PTPRN2: variants seen among roughly 807,000 people sequenced by gnomAD.
The protein encoded by PTPRN2 is receptor-type tyrosine-protein phosphatase N2.
A neutral mutation model predicts 118.8 loss-of-function variants in PTPRN2; 74 were observed. That is an observed-to-expected ratio of 0.62 (90% CI 0.52 to 0.76). PTPRN2 has a LOEUF of 0.76. Ranked by LOEUF, PTPRN2 falls within the 30% of genes least tolerant of loss-of-function variation. The pLI is 0.00. For missense variants in PTPRN2, 1,481 were observed against 1,394.4 expected (o/e 1.06, Z -0.99); for synonymous variants, 641 against 608.0 (o/e 1.05, Z -0.80).
chr7:157,696,202 C>T (rs372774984), intron 12 of PTPRN2, among the ~76,000 whole-genome samples: 214 of 79,744 alleles, frequency 2.7e-3, no homozygotes, highest in East Asian at 0.013. Flanking sequence ...TACCCATGCA[C>T]ACTGGGTCTT....
chr7:157,565,487 C>G (rs1241038631), intron 21 of PTPRN2, among the ~76,000 whole-genome samples: 1 of 152,220 alleles, frequency 6.6e-6, no homozygotes, highest in African/African-American at 2.4e-5. Context: ...TACCTGGGGC[C>G]ACACAGGCAC....
At chr7:157,673,556 C>A (rs1011345066) in intron 13 of PTPRN2, among the ~76,000 whole-genome samples, 19 of 152,096 alleles carry the variant, frequency 1.2e-4, no homozygotes, top group South Asian at 6.2e-4. Context: ...TAGCTGTCTG[C>A]CCCTGGAAGC....
chr7:158,310,231 G>T (rs1361722415), intron 3 of PTPRN2, among the ~76,000 whole-genome samples: 1 of 152,240 alleles, frequency 6.6e-6, no homozygotes, highest in Non-Finnish European at 1.5e-5. Context: ...GAGTCTTGAG[G>T]TGTGTGCTGG....
intron 11 of PTPRN2, among the ~76,000 whole-genome samples, chr7:157,899,828 G>T (rs1797340869): frequency 6.6e-6 from 1 of 152,156 alleles, no homozygotes; most frequent in Admixed American, 6.5e-5. Context: ...AAGACAGACA[G>T]AAAACAGTCT....
rs140097890 is a variant in PTPRN2, at chr7:158,021,038, A to C, written c.1723+60260T>G. Among the ~76,000 whole-genome samples the C allele has an allele frequency of 3.3e-4, 51 of 152,294 alleles. No individual in the cohort carries two copies. In the South Asian group the frequency reaches 3.5e-3, roughly 11 times the overall value. ...AATTCCCTCTCCTTGAGATTTCTAT[A>C]CTTAAAATTCTTAAAGGCATTTATT... is the stretch of plus-strand genomic sequence containing the variant. On this transcript the variant is annotated intron_variant, in intron 11 of 22. Transcript: ENST00000389418.
intron 2 of PTPRN2, among the ~76,000 whole-genome samples, chr7:158,357,529 G>C (rs1186767491): frequency 6.6e-6 from 1 of 152,224 alleles, no homozygotes; most frequent in Admixed American, 6.5e-5. Context: ...TCAGGGTGCT[G>C]GGCAACCTGC....
intron 11 of PTPRN2, among the ~76,000 whole-genome samples, chr7:157,899,918 G>A (rs746206405): frequency 2.6e-5 from 4 of 152,172 alleles, no homozygotes; most frequent in Non-Finnish European, 5.9e-5. Context: ...TAAGCCTTGG[G>A]TGGCAAGAGA....
At chr7:157,817,659 G>A (rs1299892967) in intron 12 of PTPRN2, among the ~76,000 whole-genome samples, 2 of 152,252 alleles carry the variant, frequency 1.3e-5, no homozygotes, top group Admixed American at 1.3e-4. Context: ...CTGGAGCTAC[G>A]GCCGGGGCCA....
intron 3 of PTPRN2, among the ~76,000 whole-genome samples, chr7:158,282,460 T>C (rs1229689904): frequency 6.6e-6 from 1 of 152,230 alleles, no homozygotes; most frequent in East Asian, 1.9e-4. Flanking sequence ...GAGTCTGGCC[T>C]GGCTCAGATG....
intron 2 of PTPRN2, among the ~76,000 whole-genome samples, chr7:158,404,579 C>G (rs1301708311): frequency 3.3e-5 from 5 of 152,090 alleles, no homozygotes; most frequent in Non-Finnish European, 7.4e-5. Context: ...ATATCCACCC[C>G]AACAACACCA....
intron 2 of PTPRN2, among the ~76,000 whole-genome samples, chr7:158,412,144 A>T: frequency 7.7e-6 from 1 of 129,986 alleles, no homozygotes. Flanking sequence ...CACCCTCCTC[A>T]GCACCAGGGC....
rs1340918409 is a variant in PTPRN2 at position 157,777,032 on chromosome 7, C to T, written c.1789-94095G>A. ...TCTCCTCCTCTTCCCTCTCCTCCTCCTCCCTACCTCTCCACTCCCCTCCTC... is the reference window on the plus strand; with the variant it reads ...TCTCCTCCTCTTCCCTCTCCTCCTCTTCCCTACCTCTCCACTCCCCTCCTC... On this transcript the variant is annotated intron_variant, in intron 12 of 22. Transcript: ENST00000389418. Among the ~76,000 whole-genome samples, 12 of 143,298 alleles carry T rather than the reference C, an allele frequency of 8.4e-5. No homozygotes were observed. In the East Asian group the frequency reaches 1.3e-3, roughly 15 times the overall value. The allele number at this position is 143,298 out of a possible 152,430, so 94.0% of individuals were successfully genotyped here.
intron 2 of PTPRN2, among the ~76,000 whole-genome samples, chr7:158,361,537 C>G (rs1808962391): frequency 6.6e-6 from 1 of 152,254 alleles, no homozygotes. Context: ...CTGCCCAGTT[C>G]CACTGAAGCC....
chr7:157,606,543 C>T (rs1281782998), intron 15 of PTPRN2, among the ~76,000 whole-genome samples: 1 of 152,258 alleles, frequency 6.6e-6, no homozygotes, highest in Admixed American at 6.5e-5. Context: ...GCACACAACA[C>T]CAATTTCCAT....
intron 1 of PTPRN2, among the ~76,000 whole-genome samples, chr7:158,515,949 T>C (rs1823523118): frequency 2.0e-5 from 3 of 152,200 alleles, no homozygotes; most frequent in African/African-American, 7.2e-5. Context: ...GTAACCTCTA[T>C]CACACAAACA....
rs1367845774 is a variant in PTPRN2 at position 157,813,541 on chromosome 7, G to A, written c.1788+85132C>T. On this transcript the variant is annotated intron_variant, in intron 12 of 22. Coordinates refer to ENST00000389418, the MANE Select transcript of PTPRN2 (RefSeq NM_002847.5). This position sits in a 1 kb window ranked among gnomAD's most constrained non-coding sequence, Gnocchi z 4.7. ...TGTACAAAATGTGGTGATCCTACTC[G>A]TATAAAAAAGAAAGTTCAAATGCGC... Among the ~76,000 whole-genome samples, 2 of 152,160 alleles carry A rather than the reference G, an allele frequency of 1.3e-5. No homozygotes were observed. Among genetic ancestry groups the A allele is most frequent in the African/African-American group, 2.4e-5 (1 of 41,420 alleles).
rs565349218 is a variant in PTPRN2, at chr7:157,984,269, C to CT, written c.1724-85533_1724-85532insA. Among the ~76,000 whole-genome samples the CT allele has an allele frequency of 3.1e-3, 75 of 24,408 alleles. 3 individuals carry two copies. The highest frequency in any genetic ancestry group is 2.9e-3 in the Non-Finnish European group (30 of 10,368). 16.0% of individuals were successfully genotyped at this position (24,408 alleles called of 152,430 possible). A position where few individuals can be genotyped will look rare whatever the true frequency, so the allele number is the denominator to read the frequency against. Reference sequence around the variant, plus strand: ...TCCACCTCCCCACGCCAGGCTCCACCCCCCACGCCAGGCTCCACCCCATCC... The same window carrying CT: ...TCCACCTCCCCACGCCAGGCTCCACCTCCCCACGCCAGGCTCCACCCCATCC... On this transcript the variant is annotated intron_variant, in intron 11 of 22. Coordinates refer to ENST00000389418, the MANE Select transcript of PTPRN2 (RefSeq NM_002847.5).
chr7:158,277,544 C>T (rs1799101648), intron 3 of PTPRN2, among the ~76,000 whole-genome samples: 1 of 152,196 alleles, frequency 6.6e-6, no homozygotes, highest in Non-Finnish European at 1.5e-5. Flanking sequence ...CGCGCTCTCC[C>T]AAGTCTCCTC....
At position 158,140,287 on chromosome 7, in the gene PTPRN2, C is replaced by T. The variant is rs376737865; in HGVS notation, c.911-1772G>A. 1.2e-4 allele frequency among the ~76,000 whole-genome samples: 19 copies of T among 152,314 alleles called. 3 individuals are homozygous for T. Among genetic ancestry groups the T allele is most frequent in the Middle Eastern group, 3.4e-3 (1 of 294 alleles). On this transcript the variant is annotated intron_variant, in intron 6 of 22. Transcript: ENST00000389418. Reference sequence around the variant, plus strand: ...GGAGACTGTTTCAAAGGCGCCAGGGCGTTTCAACAGAGAAAGGAAAGTCTT... The same window carrying T: ...GGAGACTGTTTCAAAGGCGCCAGGGTGTTTCAACAGAGAAAGGAAAGTCTT...
Sources: gnomAD v4.1 joint callset for allele counts (sites outside exome capture counted in the v4.1 genomes callset) on GRCh38, gnomAD v4.1.1 for gene constraint, Gnocchi (gnomAD v3.1) non-coding constraint, MANE v1.5 for transcripts, NCBI Gene and HGNC (gene_info 2026-07-23, HGNC 2026-07-21) for gene names.